Variants in ADAM22 observed in about 807,000 individuals in gnomAD.
ADAM22 encodes the protein disintegrin and metalloproteinase domain-containing protein 22.
A neutral mutation model predicts 144.6 loss-of-function variants in ADAM22; 65 were observed. The ratio of observed to expected loss-of-function variants is 0.45; its 90% CI spans 0.37 to 0.55. ADAM22 has a LOEUF of 0.55. Ranked by LOEUF, ADAM22 falls within the 20% of genes least tolerant of loss-of-function variation. The pLI, the probability that ADAM22 is intolerant of heterozygous loss-of-function variation, is 0.00. For missense variants in ADAM22, 974 were observed against 1,184.9 expected (o/e 0.82, Z 2.61); for synonymous variants, 391 against 412.6 (o/e 0.95, Z 0.63).
chr7:88,140,336 C>CA (rs2129517770), intron 14 of ADAM22, among the ~76,000 whole-genome samples: 1 of 152,132 alleles, frequency 6.6e-6, no homozygotes, highest in South Asian at 2.1e-4. Flanking sequence ...CCTGTGGTTG[C>CA]ACCATTGGTT....
chr7:88,173,830 C>T (rs1844949690), intron 26 of ADAM22, among the ~76,000 whole-genome samples: 1 of 152,048 alleles, frequency 6.6e-6, no homozygotes, highest in Non-Finnish European at 1.5e-5. Context: ...ATCTGTAAAG[C>T]ATTATGGTGA....
intron 2 of ADAM22, among the ~76,000 whole-genome samples, chr7:87,958,198 G>A (rs1172131129): frequency 6.6e-6 from 1 of 152,066 alleles, no homozygotes; most frequent in African/African-American, 2.4e-5. Flanking sequence ...TTTCTATGGA[G>A]TATATATTTG....
At chr7:88,052,293 C>T (rs189882281) in intron 3 of ADAM22, among the ~76,000 whole-genome samples, 393 of 148,876 alleles carry the variant, frequency 2.6e-3, no homozygotes, top group African/African-American at 9.5e-3. Flanking sequence ...GTCAGGAGAT[C>T]GAGACCATCC....
chr7:88,180,045 C>T (rs912693958), intron 27 of ADAM22, among the ~76,000 whole-genome samples: 2 of 151,968 alleles, frequency 1.3e-5, no homozygotes, highest in Non-Finnish European at 2.9e-5. Flanking sequence ...TCTGCAATGT[C>T]TCTCAGTCTT....
chr7:88,025,694 T>G (rs1165455719), intron 3 of ADAM22, among the ~76,000 whole-genome samples: 1 of 152,254 alleles, frequency 6.6e-6, no homozygotes, highest in African/African-American at 2.4e-5. Context: ...TGGATTTGTT[T>G]CTTGGTTCTC....
In ADAM22 at chr7:87,974,585, T is replaced by C. The variant is rs371325732; in HGVS notation, c.247-3751T>C. Among the ~76,000 whole-genome samples, 3 of 152,180 alleles carry C rather than the reference T, an allele frequency of 2.0e-5. No homozygotes were observed. In the South Asian group the frequency reaches 6.2e-4, roughly 31 times the overall value. On this transcript the variant is annotated intron_variant, in intron 2 of 31. Transcript: ENST00000413139. ...AGCCAAACTGTGGAGGAAAGTGACA[T>C]TGAATACTGGTGCAATGAACTCATT...
Position 88,027,295 on chromosome 7 carries a change from C to T in ADAM22, c.324-48331C>T, listed in dbSNP as rs200477609. Among the ~76,000 whole-genome samples, 27 of 152,210 alleles carry T rather than the reference C, an allele frequency of 1.8e-4. No individual in the cohort carries two copies. The East Asian group carries it at 4.6e-3, about 26-fold the overall frequency. ...CTCCACCATTATTTGGAATAGTTTC[C>T]GTAAGATTGGTGTTAGTACTTCTTT... On this transcript the variant is annotated intron_variant, in intron 3 of 31. Coordinates refer to ENST00000413139, the MANE Select transcript of ADAM22 (RefSeq NM_001324418.2).
At chr7:87,968,112 T>C (rs527707078) in intron 2 of ADAM22, among the ~76,000 whole-genome samples, 134 of 152,330 alleles carry the variant, frequency 8.8e-4, no homozygotes, top group African/African-American at 3.2e-3. Context: ...AAGTTAAACA[T>C]ATTTTGTCAT....
At chr7:88,084,011 G>A (rs1236555511) in intron 4 of ADAM22, among the ~76,000 whole-genome samples, 1 of 151,938 alleles carries the variant, frequency 6.6e-6, no homozygotes, top group Non-Finnish European at 1.5e-5. Context: ...ATGTTTTTCT[G>A]ATGTAGAGTA....
At chr7:87,989,573 T>C (rs1042599802) in intron 3 of ADAM22, among the ~76,000 whole-genome samples, 18 of 152,216 alleles carry the variant, frequency 1.2e-4, no homozygotes, top group African/African-American at 3.6e-4. Flanking sequence ...TACATTTGTT[T>C]TTCTTTGCTA....
At position 88,157,480 on chromosome 7, in the gene ADAM22, G is replaced by A. The variant is rs149866872; in HGVS notation, c.1907+1474G>A. Among the ~76,000 whole-genome samples, 62 of 152,250 alleles carry A rather than the reference G, an allele frequency of 4.1e-4. No individual in the cohort carries two copies. The East Asian group carries it at 5.2e-3, about 13-fold the overall frequency. ...TACTCTGGCAAAATATCAAACAAGTGTGAGGGTAGAAAATAAAGACATGTT... is the reference window on the plus strand; with the variant it reads ...TACTCTGGCAAAATATCAAACAAGTATGAGGGTAGAAAATAAAGACATGTT... On this transcript the variant is annotated intron_variant, in intron 22 of 31. Coordinates refer to ENST00000413139, the MANE Select transcript of ADAM22 (RefSeq NM_001324418.2).
chr7:88,077,792 G>T (rs1219971514), intron 4 of ADAM22, among the ~76,000 whole-genome samples: 2 of 152,184 alleles, frequency 1.3e-5, no homozygotes, highest in South Asian at 2.1e-4. Context: ...AGCTAGGCTG[G>T]GGGAGGGGCG....
chr7:88,114,789 A>G (rs1021915897), intron 6 of ADAM22, 142 bp downstream of exon 6: 3 of 696,172 alleles, frequency 4.3e-6, no homozygotes, highest in Non-Finnish European at 7.1e-6. Context: ...ATGCTCCTCA[A>G]CTTATGATGG....
At chr7:88,071,975 T>A (rs1232423970) in intron 3 of ADAM22, among the ~76,000 whole-genome samples, 1 of 152,072 alleles carries the variant, frequency 6.6e-6, no homozygotes, top group Non-Finnish European at 1.5e-5. Flanking sequence ...AATAACAAGA[T>A]AATTTGATTA....
rs1244517564 is a variant in ADAM22, at chr7:87,982,068, T to TATATAC, written c.323+3657_323+3658insTATACA. 7.3e-4 allele frequency among the ~76,000 whole-genome samples: 68 copies of TATATAC among 93,734 alleles called. No homozygotes were observed. In the South Asian group the frequency reaches 0.01, roughly 14 times the overall value. 61.5% of individuals were successfully genotyped at this position (93,734 alleles called of 152,430 possible). A position where few individuals can be genotyped will look rare whatever the true frequency, so the allele number is the denominator to read the frequency against. ...TCATATATATATATATATATATATATACACACACACACACACACACACACA... is the reference window on the plus strand; with the variant it reads ...TCATATATATATATATATATATATATATATACACACACACACACACACACACACACA... On this transcript the variant is annotated intron_variant, in intron 3 of 31. Transcript: ENST00000413139.
intron 31 of ADAM22, among the ~76,000 whole-genome samples, chr7:88,195,057 C>T (rs1444709861): frequency 6.6e-6 from 1 of 152,184 alleles, no homozygotes. Context: ...GAAACATCTA[C>T]TTACTCACTT....
intron 22 of ADAM22, among the ~76,000 whole-genome samples, chr7:88,156,332 T>G (rs1586288061): frequency 6.6e-6 from 1 of 152,136 alleles, no homozygotes; most frequent in African/African-American, 2.4e-5. Context: ...CTACTTTTGC[T>G]CCCTTATGAA....
chr7:88,159,497 G>A (rs2097946), intron 22 of ADAM22, among the ~76,000 whole-genome samples: 44,482 of 151,890 alleles, frequency 0.29, 8,685 homozygotes, highest in East Asian at 0.54. Context: ...CATTGATTCA[G>A]AAATCCTCAA....
intron 4 of ADAM22, among the ~76,000 whole-genome samples, chr7:88,102,837 AT>A (rs1823310553): frequency 6.6e-6 from 1 of 152,156 alleles, no homozygotes. Flanking sequence ...TGTACTTTAC[AT>A]TGTTATCTCA....
Sources: gnomAD v4.1 joint callset for allele counts (sites outside exome capture counted in the v4.1 genomes callset) on GRCh38, gnomAD v4.1.1 for gene constraint, MANE v1.5 for transcripts, NCBI Gene and HGNC (gene_info 2026-07-23, HGNC 2026-07-21) for gene names.